The following PI4KA variants were observed in gnomAD, a reference collection of about 807,000 sequenced individuals.
PI4KA encodes PI4-kinase alpha.
In PI4KA, 122 loss-of-function variants were observed where a neutral mutation model predicts 271.4. The observed-to-expected ratio is 0.45, with a 90% CI of 0.39 to 0.52. PI4KA has a LOEUF of 0.52. Among genes scored for constraint, PI4KA ranks in the 20% least tolerant of loss-of-function variants. The pLI, the probability that PI4KA is intolerant of heterozygous loss-of-function variation, is 0.00. For missense variants in PI4KA, 1,969 were observed against 2,769.1 expected (o/e 0.71, Z 6.48); for synonymous variants, 1,041 against 1,078.8 (o/e 0.96, Z 0.69).
intron 1 of PI4KA, among the ~76,000 whole-genome samples, chr22:20,854,847 T>C (rs6004617): frequency 0.025 from 3,880 of 152,192 alleles, 162 homozygotes; most frequent in African/African-American, 0.089. Context: ...TAAAATTCCT[T>C]TACTCTTAAG....
chr22:20,799,509 C>G (rs1008592846), intron 15 of PI4KA, among the ~76,000 whole-genome samples, 162 bp downstream of exon 15: 1 of 152,162 alleles, frequency 6.6e-6, no homozygotes, highest in African/African-American at 2.4e-5. Flanking sequence ...AAGTACAATC[C>G]AAGGTGGGCT....
chr22:20,847,271 T>A (rs1200698585), intron 1 of PI4KA, among the ~76,000 whole-genome samples: 1 of 151,642 alleles, frequency 6.6e-6, no homozygotes, highest in Non-Finnish European at 1.5e-5. Flanking sequence ...CACATGAACC[T>A]AAAATAAAAG....
intron 6 of PI4KA, 40 bp from the exon 7 acceptor site, chr22:20,818,589 G>C (rs777607656): frequency 8.3e-6 from 12 of 1,437,900 alleles, no homozygotes; most frequent in Non-Finnish European, 9.3e-6. Flanking sequence ...GAAAAGACCA[G>C]TGAGACCTCC....
At chr22:20,815,653 A>G (rs1238142682) in intron 7 of PI4KA, among the ~76,000 whole-genome samples, 1 of 152,202 alleles carries the variant, frequency 6.6e-6, no homozygotes, top group Non-Finnish European at 1.5e-5. Flanking sequence ...ATGGGCAACA[A>G]TACCACTGGG....
chr22:20,745,188 G>C (rs1929917240), intron 29 of PI4KA, among the ~76,000 whole-genome samples: 1 of 152,186 alleles, frequency 6.6e-6, no homozygotes, highest in Non-Finnish European at 1.5e-5. Flanking sequence ...GGTACACCTT[G>C]AATACAAAGG....
In PI4KA at chr22:20,737,118, G is replaced by A. The variant is rs546221101; in HGVS notation, c.3742-2565C>T. 3.9e-5 allele frequency among the ~76,000 whole-genome samples: 6 copies of A among 152,340 alleles called. No homozygotes were observed. The South Asian group carries it at 1.2e-3, about 32-fold the overall frequency. ...CTGAAGGGATGCACCTGGACTAGGA[G>A]TGACTGGGCTGGGTAAGCAGTGGAG... is the stretch of plus-strand genomic sequence containing the variant. On this transcript the variant is annotated intron_variant, in intron 32 of 54. Transcript: ENST00000255882.
chr22:20,823,973 T>A (rs1422452350), intron 4 of PI4KA, among the ~76,000 whole-genome samples: 2 of 151,976 alleles, frequency 1.3e-5, no homozygotes, highest in Non-Finnish European at 2.9e-5. Context: ...TATGAATGAC[T>A]TCAATCCCCA....
chr22:20,790,579 T>C (rs1386253296), intron 19 of PI4KA, among the ~76,000 whole-genome samples: 1 of 151,894 alleles, frequency 6.6e-6, no homozygotes, highest in Non-Finnish European at 1.5e-5. Context: ...GAGAATAGCT[T>C]GAACCCAGGA....
Position 20,803,197 on chromosome 22 carries a change from G to A in PI4KA, c.1585C>T (p.His529Tyr), listed in dbSNP as rs199553640. ...VKLYKYHSQY[H>Y]TVAGNDIKIS... ...GCACATAGTCTGTTATTACCTGTGTGGTACTGACTGTGGTACTTGTAGAGC... is the reference window on the plus strand; with the variant it reads ...GCACATAGTCTGTTATTACCTGTGTAGTACTGACTGTGGTACTTGTAGAGC... Residue 529 changes from histidine (H) to tyrosine (Y), a missense_variant, in exon 13 of 55, where the codon CAC (histidine) becomes TAC (tyrosine). His to Tyr is a moderately conservative substitution (Grantham distance 83). Coordinates refer to ENST00000255882, the MANE Select transcript of PI4KA (RefSeq NM_058004.4). The A allele has an allele frequency of 1.9e-5, 31 of 1,613,922 alleles. No individual in the cohort carries two copies. Among genetic ancestry groups the A allele is most frequent in the Non-Finnish European group, 2.5e-5 (30 of 1,179,928 alleles).
At chr22:20,766,799 A>G (rs932044898) in intron 19 of PI4KA, among the ~76,000 whole-genome samples, 2 of 152,084 alleles carry the variant, frequency 1.3e-5, no homozygotes, top group African/African-American at 4.8e-5. Flanking sequence ...ACCCCCAAAC[A>G]CTTATGAGCA....
intron 14 of PI4KA, among the ~76,000 whole-genome samples, chr22:20,801,248 T>C (rs1032899144): frequency 3.2e-4 from 48 of 151,900 alleles, no homozygotes; most frequent in African/African-American, 1.1e-3. Context: ...TTCCTCTTTA[T>C]AGATCAAGTG....
rs1415508236 is a variant in PI4KA, at chr22:20,803,206, T to G, written c.1576A>C (p.Ser526Arg). The change falls in exon 13 of 55, where the codon AGT becomes CGT. Residue 526 changes from serine to arginine, a missense_variant. By Grantham distance (110) the Ser-to-Arg change is moderately radical (BLOSUM62 -1). This residue lies in a region of PI4KA where 228 missense variants were observed against 261.6 expected (regional missense o/e 0.87). Transcript: ENST00000255882. ...PVLVKLYKYH[S>R]QYHTVAGNDI... ...CTGTTATTACCTGTGTGGTACTGACTGTGGTACTTGTAGAGCTTCACCAGA... is the reference window on the plus strand; with the variant it reads ...CTGTTATTACCTGTGTGGTACTGACGGTGGTACTTGTAGAGCTTCACCAGA... 2 of 1,614,006 alleles carry G rather than the reference T, an allele frequency of 1.2e-6. No homozygotes were observed. The highest frequency in any genetic ancestry group is 3.3e-5 in the Admixed American group (2 of 60,002).
chr22:20,730,117 G>A, intron 36 of PI4KA, 106 bp from the exon 37 acceptor site: 1 of 1,284,134 alleles, frequency 7.8e-7, no homozygotes. Flanking sequence ...TGGCAGAGCA[G>A]GCATTTTCTG....
At chr22:20,715,473 A>G (rs1925864307) in intron 45 of PI4KA, among the ~76,000 whole-genome samples, 2 of 151,212 alleles carry the variant, frequency 1.3e-5, no homozygotes, top group African/African-American at 4.9e-5. Context: ...TTTGTCTAAG[A>G]CGTTTCTTTT....
intron 1 of PI4KA, among the ~76,000 whole-genome samples, chr22:20,844,725 A>G (rs1406316518): frequency 6.6e-6 from 1 of 152,178 alleles, no homozygotes; most frequent in African/African-American, 2.4e-5. Context: ...CAGCTAACAC[A>G]TATTGAACAT....
intron 32 of PI4KA, among the ~76,000 whole-genome samples, chr22:20,739,112 G>A (rs1434722976): frequency 2.0e-5 from 3 of 151,212 alleles, no homozygotes; most frequent in East Asian, 3.9e-4. Context: ...TTGGGAGGCC[G>A]AGGCGGGCGG....
chr22:20,777,201 G>GCTAATTAT (rs920542380), intron 19 of PI4KA, among the ~76,000 whole-genome samples: 5 of 151,478 alleles, frequency 3.3e-5, no homozygotes, highest in African/African-American at 1.2e-4. Flanking sequence ...ATCACACCAG[G>GCTAATTAT]CTAATTATTT....
intron 4 of PI4KA, among the ~76,000 whole-genome samples, chr22:20,821,010 T>C (rs1290975546): frequency 6.6e-6 from 1 of 152,250 alleles, no homozygotes; most frequent in Non-Finnish European, 1.5e-5. Flanking sequence ...AATTGCCAGC[T>C]TCTGATTTTA....
At chr22:20,851,783 A>C (rs1569103182) in intron 1 of PI4KA, among the ~76,000 whole-genome samples, 1 of 152,142 alleles carries the variant, frequency 6.6e-6, no homozygotes, top group African/African-American at 2.4e-5. Flanking sequence ...TTCTGCCTCA[A>C]CTCTGTATTT....
Sources: allele counts gnomAD v4.1 joint callset (sites outside exome capture counted in the v4.1 genomes callset), GRCh38; gene constraint gnomAD v4.1.1; regional missense constraint gnomAD v4.1.1; transcripts MANE v1.5; gene names NCBI Gene and HGNC (gene_info 2026-07-23, HGNC 2026-07-21).